MALRD1: variants seen among roughly 807,000 people sequenced by gnomAD.
MALRD1 encodes the protein MAM and LDL-receptor class A domain-containing protein 1.
Under a neutral mutation model 242.1 loss-of-function variants are expected in MALRD1, and 247 were observed. The observed-to-expected ratio is 1.02, with a 90% CI of 0.92 to 1.13. The LOEUF is 1.13. MALRD1 is among the 50% of genes most tolerant of loss of function. MALRD1 has a pLI of 0.00. For synonymous variants in MALRD1, 995 were observed against 866.6 expected, an observed-to-expected ratio of 1.15 and a Z score of -2.60; for missense variants, 2,989 against 2,533.1, an observed-to-expected ratio of 1.18 and a Z score of -3.86.
intron 28 of MALRD1, among the ~76,000 whole-genome samples, chr10:19,435,048 A>G (rs1834295341): frequency 6.6e-6 from 1 of 151,162 alleles, no homozygotes. Context: ...ACAGTTATTA[A>G]TTGTTCTGAC....
chr10:19,620,697 A>G (rs541902202), intron 36 of MALRD1, among the ~76,000 whole-genome samples: 2 of 152,224 alleles, frequency 1.3e-5, no homozygotes, highest in African/African-American at 4.8e-5. Flanking sequence ...ATACATTTTC[A>G]TGACCCATCC....
In MALRD1 at chr10:19,498,575, A is replaced by G; in HGVS notation, c.5249A>G (p.Asp1750Gly). 2 of 1,550,428 alleles carry G rather than the reference A, an allele frequency of 1.3e-6. No homozygotes were observed. Among genetic ancestry groups the G allele is most frequent in the Admixed American group, 2.0e-5 (1 of 50,988 alleles). Reference sequence around the variant, plus strand: ...TGCAGTCTTACTCAAGACTCTGAGGATGACTTGGACTGGGCCATTGGCAGC... The same window carrying G: ...TGCAGTCTTACTCAAGACTCTGAGGGTGACTTGGACTGGGCCATTGGCAGC... The part of the protein sequence containing the change: ...TACSLTQDSE[D>G]DLDWAIGSRI... The change falls in exon 31 of 40, where the codon GAT (aspartate) becomes GGT (glycine). Residue 1750 changes from aspartate to glycine, a missense_variant. Asp to Gly is a moderately conservative substitution (Grantham distance 94). Coordinates refer to ENST00000454679, the MANE Select transcript of MALRD1 (RefSeq NM_001142308.3).
At chr10:19,713,676 A>G (rs1335105448) in intron 38 of MALRD1, among the ~76,000 whole-genome samples, 1 of 152,244 alleles carries the variant, frequency 6.6e-6, no homozygotes, top group Non-Finnish European at 1.5e-5. Flanking sequence ...TAATAAGGAA[A>G]GTAGAGTGAG....
At position 19,165,801 on chromosome 10, in the gene MALRD1, A is replaced by G. The variant is rs921617442; in HGVS notation, c.1821A>G (p.Leu607=). The G allele has an allele frequency of 4.1e-6, 5 of 1,231,550 alleles. No individual in the cohort carries two copies. The highest frequency in any genetic ancestry group is 5.1e-6 in the Non-Finnish European group (5 of 987,954). 76.3% of individuals were successfully genotyped at this position (1,231,550 alleles called of 1,614,324 possible). The change falls in exon 13 of 40, where the codon CTA becomes CTG. Residue 607 remains leucine, a synonymous_variant. Transcript: ENST00000454679. ...TTGCAGAAGCGGGAGAATCTACTCT[A>G]CCTTTTCAGGTAAGCACATACGAAA... ...DLIAEAGEST[L]PFQLILEATV...
chr10:19,324,160 A>G (rs1843019575), intron 22 of MALRD1, 55 bp downstream of exon 22: 1 of 1,464,814 alleles, frequency 6.8e-7, no homozygotes, highest in Admixed American at 2.1e-5. Flanking sequence ...TTCACAGTGC[A>G]TAATTTGGTA....
At chr10:19,643,070 C>CT (rs900277693) in intron 36 of MALRD1, among the ~76,000 whole-genome samples, 8 of 152,082 alleles carry the variant, frequency 5.3e-5, no homozygotes, top group African/African-American at 1.9e-4. Flanking sequence ...CTTCATATCT[C>CT]TTTTTTTATA....
intron 32 of MALRD1, among the ~76,000 whole-genome samples, chr10:19,548,981 A>C (rs916726430): frequency 1.3e-5 from 2 of 152,204 alleles, no homozygotes; most frequent in African/African-American, 4.8e-5. Flanking sequence ...AAGGAAGTTA[A>C]AAGTGCTACT....
At chr10:19,276,426 A>C (rs183151182) in intron 19 of MALRD1, among the ~76,000 whole-genome samples, 66 of 152,306 alleles carry the variant, frequency 4.3e-4, no homozygotes. Context: ...ATGATTTTCA[A>C]AGAAATTTGT....
At chr10:19,237,829 T>C (rs1459880756) in intron 18 of MALRD1, among the ~76,000 whole-genome samples, 1 of 76,238 alleles carries the variant, frequency 1.3e-5, no homozygotes, top group Non-Finnish European at 2.5e-5. Context: ...TTATATGTAA[T>C]TATAATTATA....
chr10:19,288,220 T>G lies in MALRD1; in HGVS notation c.3419+5039T>G, dbSNP rs114914986. On this transcript the variant is annotated intron_variant, in intron 21 of 39. Coordinates refer to ENST00000454679, the MANE Select transcript of MALRD1 (RefSeq NM_001142308.3). ...ATATATTTATGGACTGCATAAGGTG[T>G]TTTGATACAGGCATGCAATGTATAA... Among the ~76,000 whole-genome samples, 1,134 of 152,184 alleles carry G rather than the reference T, an allele frequency of 7.5e-3. 15 individuals are homozygous for G. The highest frequency in any genetic ancestry group is 0.026 in the African/African-American group (1,084 of 41,532).
chr10:19,385,410 A>C lies in MALRD1; in HGVS notation c.4442-2118A>C, dbSNP rs147092367. Among the ~76,000 whole-genome samples, 511 of 152,108 alleles carry C rather than the reference A, an allele frequency of 3.4e-3. 2 individuals are homozygous for C. Among genetic ancestry groups the C allele is most frequent in the African/African-American group, 0.012 (489 of 41,526 alleles). On this transcript the variant is annotated intron_variant, in intron 26 of 39. Transcript: ENST00000454679. ...TTAATGGGAGGGTTGTTACCACTTC[A>C]ATCTCATTACTCATTATTGATCTGT...
chr10:19,326,382 A>G lies in MALRD1; in HGVS notation c.3577-1181A>G, dbSNP rs1213363776. 2.6e-5 allele frequency among the ~76,000 whole-genome samples: 4 copies of G among 152,250 alleles called. No homozygotes were observed. In the East Asian group the frequency reaches 5.8e-4, roughly 22 times the overall value. ...AAATTTTGTAAGTATGGAATTATCAAATGAATAAAATGATATCAATGCCTT... is the reference window on the plus strand; with the variant it reads ...AAATTTTGTAAGTATGGAATTATCAGATGAATAAAATGATATCAATGCCTT... On this transcript the variant is annotated intron_variant, in intron 22 of 39. Coordinates refer to ENST00000454679, the MANE Select transcript of MALRD1 (RefSeq NM_001142308.3).
intron 1 of MALRD1, chr10:19,052,136 G>T: frequency 2.2e-6 from 1 of 445,722 alleles, no homozygotes; most frequent in Non-Finnish European, 4.4e-6. Flanking sequence ...AAGTTGTCTT[G>T]CAAGAGCTTT....
At chr10:19,734,043 A>T in intron 39 of MALRD1, 114 bp from the exon 40 acceptor site, 1 of 735,572 alleles carries the variant, frequency 1.4e-6, no homozygotes, top group Non-Finnish European at 2.2e-6. Flanking sequence ...TGTTCTAGTT[A>T]TTACTCCAGT....
intron 36 of MALRD1, among the ~76,000 whole-genome samples, chr10:19,665,136 T>C (rs955576768): frequency 2.0e-5 from 3 of 152,138 alleles, no homozygotes; most frequent in African/African-American, 7.2e-5. Context: ...TTAACGCATG[T>C]ATACATGTAG....
intron 26 of MALRD1, among the ~76,000 whole-genome samples, chr10:19,376,366 C>A (rs1424213235): frequency 1.3e-5 from 2 of 151,890 alleles, no homozygotes; most frequent in African/African-American, 4.8e-5. Flanking sequence ...CTCTTAAGAA[C>A]CAATTACATG....
At chr10:19,369,386 ATATT>A (rs1365745897) in intron 26 of MALRD1, among the ~76,000 whole-genome samples, 2 of 81,788 alleles carry the variant, frequency 2.4e-5, no homozygotes, top group Admixed American at 1.3e-4. Flanking sequence ...ATATTGAAAT[ATATT>A]TATATATAAA....
chr10:19,357,184 T>A (rs1354112265), intron 26 of MALRD1, among the ~76,000 whole-genome samples: 1 of 152,004 alleles, frequency 6.6e-6, no homozygotes, highest in Non-Finnish European at 1.5e-5. Context: ...CATGTTCTAG[T>A]GGATTAGATA....
In MALRD1 at chr10:19,290,629, G is replaced by C. The variant is rs1252677070; in HGVS notation, c.3419+7448G>C. 3.3e-5 allele frequency among the ~76,000 whole-genome samples: 5 copies of C among 151,996 alleles called. No homozygotes were observed. In the South Asian group the frequency reaches 8.3e-4, roughly 25 times the overall value. On this transcript the variant is annotated intron_variant, in intron 21 of 39. Transcript: ENST00000454679. ...AGAAAAGTATTTTTCCTAGTATTTTGAGAAAAGAATCATAATCTAGTATTA... is the reference window on the plus strand; with the variant it reads ...AGAAAAGTATTTTTCCTAGTATTTTCAGAAAAGAATCATAATCTAGTATTA...
Sources: gnomAD v4.1 joint callset for allele counts (sites outside exome capture counted in the v4.1 genomes callset) on GRCh38, gnomAD v4.1.1 for gene constraint, MANE v1.5 for transcripts, NCBI Gene and HGNC (gene_info 2026-07-23, HGNC 2026-07-21) for gene names.